SHANK1: variants seen among roughly 807,000 people sequenced by gnomAD.
The protein encoded by SHANK1 is SH3 and multiple ankyrin repeat domains 1.
Under a neutral mutation model 165.6 loss-of-function variants are expected in SHANK1, and 35 were observed. That is an observed-to-expected ratio of 0.21 (90% CI 0.16 to 0.28). SHANK1 has a LOEUF of 0.28. SHANK1 is among the 10% of genes least tolerant of loss of function. The probability of loss-of-function intolerance (pLI) is 1.00; values close to 1 mark genes in which losing one functional copy is unlikely to be tolerated. For synonymous variants in SHANK1, 1,428 were observed against 1,384.8 expected, an observed-to-expected ratio of 1.03 and a Z score of -0.69; for missense variants, 2,681 against 3,036.4, an observed-to-expected ratio of 0.88 and a Z score of 2.75.
intron 22 of SHANK1, among the ~76,000 whole-genome samples, chr19:50,671,464 T>A (rs962827794): frequency 1.3e-5 from 2 of 149,640 alleles, no homozygotes; most frequent in African/African-American, 5.0e-5. Flanking sequence ...ATTACAGGCG[T>A]GAGCCGCTGC....
In SHANK1 at chr19:50,711,474, C is replaced by T; in HGVS notation, c.974G>A (p.Gly325Asp). ...CAGATGCTCCAGGTGCTGAGAGTGA[C>T]CCCGCTGGCAGGCCTGGGCAGGACA... ...WQEIHQACQR[G>D]HSQHLEHLLF... The change falls in exon 8 of 24, where the codon GGT becomes GAT. Residue 325 changes from glycine to aspartate, a missense_variant. This residue lies in a region of SHANK1 where 189 missense variants were observed against 440.9 expected (regional missense o/e 0.43). Transcript: ENST00000293441. The T allele has an allele frequency of 6.4e-7, 1 of 1,573,180 alleles. No individual in the cohort carries two copies. The highest frequency in any genetic ancestry group is 8.6e-7 in the Non-Finnish European group (1 of 1,159,686).
At position 50,668,512 on chromosome 19, in the gene SHANK1, TCTC is replaced by T; in HGVS notation, c.3445_3447del (p.Glu1149del). 7.4e-7 allele frequency: 1 copy of T among 1,347,010 alleles called. No homozygotes were observed. The highest frequency in any genetic ancestry group is 1.5e-5 in the African/African-American group (1 of 65,586). The allele number at this position is 1,347,010 out of a possible 1,614,324, so 83.4% of individuals were successfully genotyped here. A position where few individuals can be genotyped will look rare whatever the true frequency, so the allele number is the denominator to read the frequency against. ...ATGGTGGGGATGGGGATGGAGTTCT[TCTC>T]CGAGGGCGCGGCCACGGCGGGCGGC... On this transcript the variant is annotated inframe_deletion, in exon 23 of 24. Coordinates refer to ENST00000293441, the MANE Select transcript of SHANK1 (RefSeq NM_016148.5).
At position 50,667,276 on chromosome 19, in the gene SHANK1, G is replaced by C; in HGVS notation, c.4684C>G (p.Leu1562Val). Residue 1562 changes from leucine (L) to valine (V), a missense_variant, in exon 23 of 24, where the codon CTT becomes GTT. Physicochemically the swap from Leu to Val is conservative, Grantham distance 32. This residue lies in a region of SHANK1 where 1,713 missense variants were observed against 1,630.2 expected (regional missense o/e 1.05). Coordinates refer to ENST00000293441, the MANE Select transcript of SHANK1 (RefSeq NM_016148.5). This position sits in a 1 kb window ranked among gnomAD's most constrained non-coding sequence, Gnocchi z 5.7. ...PSVDVEDGEF[L>V]FVEPLPPPLE... ...GGCGGAGGCAGCGGTTCCACGAAAA[G>C]GAATTCGCCATCTTCCACATCCACC... 6.3e-7 allele frequency: 1 copy of C among 1,597,056 alleles called. No individual in the cohort carries two copies. The highest frequency in any genetic ancestry group is 8.5e-7 in the Non-Finnish European group (1 of 1,178,848).
intron 4 of SHANK1, among the ~76,000 whole-genome samples, chr19:50,715,359 A>AG (rs1236764605): frequency 2.0e-5 from 3 of 151,232 alleles, no homozygotes; most frequent in Non-Finnish European, 4.4e-5. Context: ...ATATGGGGGG[A>AG]GGCAGGGGAA....
Position 50,667,945 on chromosome 19 carries a change from C to T in SHANK1, c.4015G>A (p.Val1339Met). 7.2e-7 allele frequency: 1 copy of T among 1,390,900 alleles called. No individual in the cohort carries two copies. Among genetic ancestry groups the T allele is most frequent in the Non-Finnish European group, 9.3e-7 (1 of 1,078,362 alleles). The allele number at this position is 1,390,900 out of a possible 1,614,324, so 86.2% of individuals were successfully genotyped here. Residue 1339 changes from valine (V) to methionine (M), a missense_variant, in exon 23 of 24, where the codon GTG becomes ATG. Transcript: ENST00000293441. The surrounding 1 kb of genome is among the most constrained non-coding windows in gnomAD (Gnocchi z 5.7). ...FTSFLPPRPL[V>M]HPLTGKALDP... ...AGGGCCTTGCCGGTCAGCGGGTGCACCAGGGGTCGCGGGGGCAGGAAGCTG... is the reference window on the plus strand; with the variant it reads ...AGGGCCTTGCCGGTCAGCGGGTGCATCAGGGGTCGCGGGGGCAGGAAGCTG...
rs759151598 is a variant in SHANK1, at chr19:50,697,807, AG to A, written c.1861+35del. On this transcript the variant is annotated intron_variant, in intron 13 of 23. Coordinates refer to ENST00000293441, the MANE Select transcript of SHANK1 (RefSeq NM_016148.5). This position sits in a 1 kb window ranked among gnomAD's most constrained non-coding sequence, Gnocchi z 4.7. ...GGAAAGGAGTGGACGTGGGAATCCT[AG>A]GGTCCATTGAACACTGCTGGGGGTT... 1,676 of 1,566,372 alleles carry A rather than the reference AG, an allele frequency of 1.1e-3. 3 individuals carry two copies. Among genetic ancestry groups the A allele is most frequent in the Non-Finnish European group, 1.4e-3 (1,577 of 1,138,210 alleles).
chr19:50,712,568 G>T (rs1290270153), intron 6 of SHANK1, among the ~76,000 whole-genome samples: 1 of 152,232 alleles, frequency 6.6e-6, no homozygotes. Context: ...GAAGCCAGGG[G>T]ACAGGTAAGC....
At chr19:50,678,700 A>G (rs1183926719) in intron 21 of SHANK1, among the ~76,000 whole-genome samples, 2 of 93,198 alleles carry the variant, frequency 2.1e-5, no homozygotes, top group Non-Finnish European at 4.5e-5. Context: ...GTGAGAGAAG[A>G]GGTAAAAGAG....
intron 21 of SHANK1, among the ~76,000 whole-genome samples, chr19:50,677,653 G>C (rs1323799613): frequency 6.6e-6 from 1 of 152,162 alleles, no homozygotes; most frequent in Non-Finnish European, 1.5e-5. Context: ...ATTTGTAGAA[G>C]GAAGAACTCA....
intron 22 of SHANK1, among the ~76,000 whole-genome samples, chr19:50,671,485 CTCT>C (rs1985791647): frequency 7.6e-6 from 1 of 131,786 alleles, no homozygotes; most frequent in South Asian, 2.4e-4. Context: ...GCCCGGCCCA[CTCT>C]TTTTTTTGTT....
Position 50,686,769 on chromosome 19 carries a change from C to T in SHANK1, c.2433G>A (p.Lys811=). 6.2e-7 allele frequency: 1 copy of T among 1,613,828 alleles called. No homozygotes were observed. Among genetic ancestry groups the T allele is most frequent in the Non-Finnish European group, 8.5e-7 (1 of 1,179,816 alleles). The change falls in exon 20 of 24, where the codon AAG becomes AAA. Residue 811 remains lysine (K), a synonymous_variant. Coordinates refer to ENST00000293441, the MANE Select transcript of SHANK1 (RefSeq NM_016148.5). The surrounding 1 kb of genome is among the most constrained non-coding windows in gnomAD (Gnocchi z 5.7). ...QPAPVPSMEK[K]RTVYQMALNK... ...TGAGAGCCATCTGATACACGGTCCG[C>T]TTTTTCTCCATGCTGGGCACCGGCG...
At position 50,695,081 on chromosome 19, in the gene SHANK1, C is replaced by T. The variant is rs992466472; in HGVS notation, c.1964+2015G>A. Among the ~76,000 whole-genome samples the T allele has an allele frequency of 3.0e-4, 44 of 146,004 alleles. 1 individual carries two copies. Among genetic ancestry groups the T allele is most frequent in the Non-Finnish European group, 5.8e-4 (38 of 65,630 alleles). On this transcript the variant is annotated intron_variant, in intron 15 of 23. Coordinates refer to ENST00000293441, the MANE Select transcript of SHANK1 (RefSeq NM_016148.5). ...GCCCCGGCCCGGGTCCCGGTGCCGGCCGCCCCCGCCGCCGCCGCCGCCGCC... is the reference window on the plus strand; with the variant it reads ...GCCCCGGCCCGGGTCCCGGTGCCGGTCGCCCCCGCCGCCGCCGCCGCCGCC...
At chr19:50,694,586 G>A in intron 15 of SHANK1, among the ~76,000 whole-genome samples, 1 of 112,340 alleles carries the variant, frequency 8.9e-6, no homozygotes, top group African/African-American at 3.4e-5. Flanking sequence ...AAGGTCTTGG[G>A]GGAAGAGCAG....
At chr19:50,674,810 C>T (rs1438811827) in intron 21 of SHANK1, among the ~76,000 whole-genome samples, 1 of 151,972 alleles carries the variant, frequency 6.6e-6, no homozygotes, top group Admixed American at 6.6e-5. Flanking sequence ...GCCTGTAATC[C>T]CAGCACTTCG....
chr19:50,684,798 G>A (rs894404571), intron 21 of SHANK1, among the ~76,000 whole-genome samples: 5 of 152,076 alleles, frequency 3.3e-5, no homozygotes, highest in African/African-American at 9.7e-5. Context: ...GTGTTTATGC[G>A]CCTCGTGATT....
chr19:50,711,728 C>T (rs1010924097), intron 7 of SHANK1, among the ~76,000 whole-genome samples: 6 of 152,234 alleles, frequency 3.9e-5, no homozygotes, highest in African/African-American at 1.4e-4. Flanking sequence ...GTCAAGAGGA[C>T]AGCCCATCCC....
rs1194271704 is a variant in SHANK1 at position 50,718,744 on chromosome 19, A to G, written c.-44+662T>C. 1.7e-5 allele frequency among the ~76,000 whole-genome samples: 1 copy of G among 57,554 alleles called. No individual in the cohort carries two copies. 37.8% of individuals were successfully genotyped at this position (57,554 alleles called of 152,430 possible). ...TGAATGGAGGCGGAGGGAGGCGGGG[A>G]GGGGCGGGGAGAGAGAGCCGGAGCC... On this transcript the variant is annotated intron_variant, in intron 1 of 23. Transcript: ENST00000293441. The surrounding 1 kb of genome is among the most constrained non-coding windows in gnomAD (Gnocchi z 5.1).
chr19:50,667,284 C>G lies in SHANK1; in HGVS notation c.4676G>C (p.Gly1559Ala), dbSNP rs756888675. The change falls in exon 23 of 24, where the codon GGC (glycine) becomes GCC (alanine). Residue 1559 changes from glycine (G) to alanine (A), a missense_variant. Gly to Ala is a moderately conservative substitution (Grantham distance 60). This residue lies in a region of SHANK1 where 1,713 missense variants were observed against 1,630.2 expected (regional missense o/e 1.05). Coordinates refer to ENST00000293441, the MANE Select transcript of SHANK1 (RefSeq NM_016148.5). This position sits in a 1 kb window ranked among gnomAD's most constrained non-coding sequence, Gnocchi z 5.7. ...CAGCGGTTCCACGAAAAGGAATTCG[C>G]CATCTTCCACATCCACCGAGGGGGC... is the stretch of plus-strand genomic sequence containing the variant. Reference protein sequence around the residue: ...PPAPSVDVEDGEFLFVEPLPP... With the variant: ...PPAPSVDVEDAEFLFVEPLPP... 3 of 1,596,554 alleles carry G rather than the reference C, an allele frequency of 1.9e-6. No individual in the cohort carries two copies. The African/African-American group carries it at 4.0e-5, about 21-fold the overall frequency.
Position 50,703,684 on chromosome 19 carries a change from C to T in SHANK1, c.1369G>A (p.Ala457Thr), listed in dbSNP as rs368400281. The T allele has an allele frequency of 1.9e-5, 28 of 1,469,440 alleles. No homozygotes were observed. Among genetic ancestry groups the T allele is most frequent in the South Asian group, 6.7e-5 (5 of 74,098 alleles). The allele number at this position is 1,469,440 out of a possible 1,614,324, so 91.0% of individuals were successfully genotyped here. The change falls in exon 11 of 24, where the codon GCG becomes ACG. Residue 457 changes from alanine (A) to threonine (T), a missense_variant. Around this residue, in one of 10 missense-constraint regions of SHANK1, gnomAD observed 195 missense variants for 186.2 expected, o/e 1.05. Transcript: ENST00000293441. Reference protein sequence around the residue: ...DWMVFSAPGAASSGAPGPTSG... With the variant: ...DWMVFSAPGATSSGAPGPTSG... ...GTAGGGCCAGGGGCCCCAGAGGACG[C>T]GGCCCCCGGGGCGGAGAACACCATC...
Sources: allele counts gnomAD v4.1 joint callset (sites outside exome capture counted in the v4.1 genomes callset), GRCh38; gene constraint gnomAD v4.1.1; regional missense constraint gnomAD v4.1.1; non-coding constraint Gnocchi (gnomAD v3.1); transcripts MANE v1.5; gene names NCBI Gene and HGNC (gene_info 2026-07-23, HGNC 2026-07-21).